The following NFIA variants were observed in gnomAD, a reference collection of about 807,000 sequenced individuals.
NFIA encodes nuclear factor I A.
Under a neutral mutation model 62.8 loss-of-function variants are expected in NFIA, and 8 were observed. The ratio of observed to expected loss-of-function variants is 0.13; its 90% CI spans 0.07 to 0.23. NFIA has a LOEUF of 0.23. NFIA is among the 10% of genes least tolerant of loss of function. The pLI is 1.00. For synonymous variants in NFIA, 235 were observed against 238.1 expected (o/e 0.99, Z 0.12); for missense variants, 410 against 642.1 (o/e 0.64, Z 3.91).
intron 3 of NFIA, among the ~76,000 whole-genome samples, chr1:61,297,517 C>G (rs1240668263): frequency 6.6e-6 from 1 of 152,138 alleles, no homozygotes; most frequent in African/African-American, 2.4e-5. Context: ...CAAAAATACT[C>G]CCTACTTCCT....
intron 4 of NFIA, among the ~76,000 whole-genome samples, chr1:61,341,928 T>C (rs563807285): frequency 6.6e-6 from 1 of 152,262 alleles, no homozygotes; most frequent in East Asian, 1.9e-4. Context: ...TACCCTGCAG[T>C]AGGGCCACAA....
intron 6 of NFIA, among the ~76,000 whole-genome samples, chr1:61,379,447 CAGT>C (rs1452695184): frequency 1.7e-5 from 2 of 118,614 alleles, no homozygotes; most frequent in African/African-American, 6.6e-5. Flanking sequence ...CTTGCTCTGT[CAGT>C]AGGCTGGAGT....
intron 2 of NFIA, among the ~76,000 whole-genome samples, chr1:61,127,734 A>G (rs1309884561): frequency 1.1e-4 from 17 of 152,128 alleles, no homozygotes; most frequent in Admixed American, 1.1e-3. Context: ...AGACTGCAAT[A>G]TTGTTATACA....
At chr1:61,371,029 T>C (rs1011846593) in intron 6 of NFIA, among the ~76,000 whole-genome samples, 1 of 152,124 alleles carries the variant, frequency 6.6e-6, no homozygotes, top group African/African-American at 2.4e-5. Flanking sequence ...CCAAGATTAG[T>C]GAATTCTAGG....
rs570295517 is a variant in NFIA at position 61,204,095 on chromosome 1, T to A, written c.560-73425T>A. Among the ~76,000 whole-genome samples, 28 of 152,320 alleles carry A rather than the reference T, an allele frequency of 1.8e-4. No homozygotes were observed. In the South Asian group the frequency reaches 3.3e-3, roughly 18 times the overall value. On this transcript the variant is annotated intron_variant, in intron 2 of 10. Transcript: ENST00000403491. Reference sequence around the variant, plus strand: ...TATTTTGCCACCAACTGCCTAGCAGTTTATGAAATGGTGAACTGGACGGGG... The same window carrying A: ...TATTTTGCCACCAACTGCCTAGCAGATTATGAAATGGTGAACTGGACGGGG...
intron 2 of NFIA, among the ~76,000 whole-genome samples, chr1:61,194,970 A>G (rs1300734902): frequency 6.6e-6 from 1 of 152,184 alleles, no homozygotes; most frequent in East Asian, 1.9e-4. Flanking sequence ...AGTTCCTATC[A>G]ATTTCCCCTT....
rs142017899 is a variant in NFIA at position 61,379,433 on chromosome 1, G to A, written c.947-3804G>A. Among the ~76,000 whole-genome samples, 782 of 125,910 alleles carry A rather than the reference G, an allele frequency of 6.2e-3. 9 individuals are homozygous for A. Among genetic ancestry groups the A allele is most frequent in the East Asian group, 0.042 (181 of 4,318 alleles). 82.6% of individuals were successfully genotyped at this position (125,910 alleles called of 152,430 possible). A position where few individuals can be genotyped will look rare whatever the true frequency, so the allele number is the denominator to read the frequency against. On this transcript the variant is annotated intron_variant, in intron 6 of 10. Transcript: ENST00000403491. Reference sequence around the variant, plus strand: ...TTTTTTTTTTTTTTTTTTTGAGATGGAATCTTGCTCTGTCAGTAGGCTGGA... The same window carrying A: ...TTTTTTTTTTTTTTTTTTTGAGATGAAATCTTGCTCTGTCAGTAGGCTGGA...
At chr1:61,446,216 T>C (rs537063151) in intron 10 of NFIA, among the ~76,000 whole-genome samples, 1 of 152,348 alleles carries the variant, frequency 6.6e-6, no homozygotes, top group Admixed American at 6.5e-5. Flanking sequence ...TGCTTAACTA[T>C]CTTTTCTCAT....
intron 9 of NFIA, among the ~76,000 whole-genome samples, chr1:61,422,920 G>A (rs151123763): frequency 2.0e-5 from 3 of 152,110 alleles, no homozygotes; most frequent in Non-Finnish European, 2.9e-5. Context: ...GCCATTCCCC[G>A]ACTGATCTTA....
chr1:61,211,874 T>G (rs1653284451), intron 2 of NFIA, among the ~76,000 whole-genome samples: 1 of 152,128 alleles, frequency 6.6e-6, no homozygotes, highest in Non-Finnish European at 1.5e-5. Context: ...TTTTTGTATT[T>G]TTTGTAGACA....
intron 7 of NFIA, among the ~76,000 whole-genome samples, chr1:61,396,858 C>A (rs928193223): frequency 2.6e-5 from 4 of 151,936 alleles, no homozygotes; most frequent in African/African-American, 9.7e-5. Flanking sequence ...AAAAATTAGC[C>A]AAGTGTGATG....
At chr1:61,206,956 A>AAAG (rs1306500298) in intron 2 of NFIA, among the ~76,000 whole-genome samples, 3 of 152,198 alleles carry the variant, frequency 2.0e-5, no homozygotes. Context: ...AAGTAAAGGT[A>AAAG]CTGTTTATAT....
chr1:61,212,578 C>T (rs1653334774), intron 2 of NFIA, among the ~76,000 whole-genome samples: 1 of 152,126 alleles, frequency 6.6e-6, no homozygotes, highest in Non-Finnish European at 1.5e-5. Flanking sequence ...TTTTCTATAA[C>T]ATTAAAAAGA....
At chr1:61,125,585 G>T (rs1206287761) in intron 2 of NFIA, among the ~76,000 whole-genome samples, 1 of 152,166 alleles carries the variant, frequency 6.6e-6, no homozygotes, top group African/African-American at 2.4e-5. Context: ...GGAATGGTAT[G>T]AACTCAGGTT....
intron 10 of NFIA, 152 bp from the exon 11 acceptor site, chr1:61,455,151 A>AT (rs1668241163): frequency 1.4e-6 from 1 of 693,518 alleles, no homozygotes; most frequent in Admixed American, 2.8e-5. Flanking sequence ...GTGTCACAGG[A>AT]TTTTTTATTG....
At position 61,277,543 on chromosome 1, in the gene NFIA, A is replaced by C. The variant is rs2100276368; in HGVS notation, c.583A>C (p.Ser195Arg). ...AADSSQSESP[S>R]QPSDADIKDQ... is the part of the protein sequence containing the mutation. ...AGATTCAAGTCAATCTGAAAGTCCC[A>C]GCCAGCCAAGTGACGCTGACATTAA... The change falls in exon 3 of 11, where the codon AGC becomes CGC. Residue 195 changes from serine to arginine, a missense_variant. Coordinates refer to ENST00000403491, the MANE Select transcript of NFIA (RefSeq NM_001134673.4). 6.2e-7 allele frequency: 1 copy of C among 1,613,900 alleles called. No homozygotes were observed. The highest frequency in any genetic ancestry group is 1.3e-5 in the African/African-American group (1 of 75,026).
chr1:61,421,313 C>G (rs1666608704), intron 9 of NFIA, among the ~76,000 whole-genome samples: 1 of 152,110 alleles, frequency 6.6e-6, no homozygotes, highest in Non-Finnish European at 1.5e-5. Context: ...CAGTACAGAG[C>G]CTGGCACGTA....
chr1:61,224,048 T>C (rs1317078984), intron 2 of NFIA, among the ~76,000 whole-genome samples: 3 of 152,020 alleles, frequency 2.0e-5, no homozygotes, highest in Non-Finnish European at 4.4e-5. Context: ...TTAATGCTGA[T>C]AAGATAGAAT....
In NFIA at chr1:61,148,994, G is replaced by A. The variant is rs1053029181; in HGVS notation, c.559+60314G>A. 4.6e-5 allele frequency among the ~76,000 whole-genome samples: 7 copies of A among 151,912 alleles called. No homozygotes were observed. In the South Asian group the frequency reaches 6.2e-4, roughly 14 times the overall value. ...CTTAAGGGATCCTCCTGCCCCAGCCGCATGAGTAGCAAGTGCATGCCACCA... is the reference window on the plus strand; with the variant it reads ...CTTAAGGGATCCTCCTGCCCCAGCCACATGAGTAGCAAGTGCATGCCACCA... On this transcript the variant is annotated intron_variant, in intron 2 of 10. Transcript: ENST00000403491.
Sources: allele counts gnomAD v4.1 joint callset (sites outside exome capture counted in the v4.1 genomes callset), GRCh38; gene constraint gnomAD v4.1.1; transcripts MANE v1.5; gene names NCBI Gene and HGNC (gene_info 2026-07-23, HGNC 2026-07-21).